The following EPHA4 variants were observed in gnomAD, a reference collection of about 807,000 sequenced individuals.
EPHA4 encodes ephrin type-A receptor 4.
A neutral mutation model predicts 108.3 loss-of-function variants in EPHA4; 19 were observed. That is an observed-to-expected ratio of 0.18 (90% CI 0.12 to 0.26). The LOEUF (loss-of-function observed/expected upper bound fraction) is 0.26. EPHA4 is among the 10% of genes least tolerant of loss of function. The pLI, the probability that EPHA4 is intolerant of heterozygous loss-of-function variation, is 1.00. For synonymous variants in EPHA4, 449 were observed against 455.5 expected (o/e 0.99, Z 0.18); for missense variants, 917 against 1,254.0 (o/e 0.73, Z 4.06).
chr2:221,470,501 T>C (rs977896758), intron 5 of EPHA4, among the ~76,000 whole-genome samples: 14 of 151,902 alleles, frequency 9.2e-5, no homozygotes, highest in African/African-American at 3.4e-4. Flanking sequence ...TCATGACCCA[T>C]AGAATGCTGA....
rs373017524 is a variant in EPHA4 at position 221,443,579 on chromosome 2, G to T, written c.1802C>A (p.Thr601Lys). Residue 601 changes from threonine (T) to lysine (K), a missense_variant, in exon 10 of 18, where the codon ACG becomes AAG. This residue lies in a region of EPHA4 where 758 missense variants were observed against 1,076.7 expected (regional missense o/e 0.70). Transcript: ENST00000281821. Reference protein sequence around the residue: ...QGVRTYVDPFTYEDPNQAVRE... With the variant: ...QGVRTYVDPFKYEDPNQAVRE... ...CACTGCTTGGTTGGGATCTTCGTAC[G>T]TAAAGGGGTCCACATATGTTCTTAC... 6.2e-7 allele frequency: 1 copy of T among 1,613,910 alleles called. No individual in the cohort carries two copies. Among genetic ancestry groups the T allele is most frequent in the Non-Finnish European group, 8.5e-7 (1 of 1,179,902 alleles).
chr2:221,511,538 T>C (rs945407611), intron 3 of EPHA4, among the ~76,000 whole-genome samples: 3 of 152,224 alleles, frequency 2.0e-5, no homozygotes, highest in Non-Finnish European at 4.4e-5. Flanking sequence ...CACTTCCCTT[T>C]TTTGTCTATA....
At chr2:221,530,727 T>A (rs1693488568) in intron 3 of EPHA4, among the ~76,000 whole-genome samples, 1 of 152,184 alleles carries the variant, frequency 6.6e-6, no homozygotes, top group Non-Finnish European at 1.5e-5. Context: ...TCTGGCTCCA[T>A]GGGGTGTATC....
At chr2:221,430,655 C>T (rs962004178) in intron 14 of EPHA4, among the ~76,000 whole-genome samples, 2 of 152,188 alleles carry the variant, frequency 1.3e-5, no homozygotes, top group Admixed American at 6.5e-5. Context: ...AGTGTGTCAA[C>T]ACCAGAGTCC....
intron 14 of EPHA4, among the ~76,000 whole-genome samples, chr2:221,432,738 G>T (rs1270355240): frequency 2.0e-5 from 3 of 151,142 alleles, no homozygotes; most frequent in Admixed American, 6.6e-5. Context: ...CCGCCTCCCA[G>T]GTTCAAGCGA....
At chr2:221,429,661 T>C (rs1690014118) in intron 15 of EPHA4, among the ~76,000 whole-genome samples, 1 of 152,208 alleles carries the variant, frequency 6.6e-6, no homozygotes, top group South Asian at 2.1e-4. Context: ...ATTTCACCCC[T>C]CTTCCTAAAT....
At chr2:221,480,815 T>G (rs1484731295) in intron 5 of EPHA4, among the ~76,000 whole-genome samples, 1 of 152,196 alleles carries the variant, frequency 6.6e-6, no homozygotes, top group Non-Finnish European at 1.5e-5. Flanking sequence ...TTTTATTTAT[T>G]CCAAAGAGTT....
chr2:221,426,068 G>A lies in EPHA4; in HGVS notation c.2921C>T (p.Thr974Ile), dbSNP rs141897098. 7.4e-5 allele frequency: 120 copies of A among 1,614,006 alleles called. No individual in the cohort carries two copies. Among genetic ancestry groups the A allele is most frequent in the South Asian group, 3.2e-4 (29 of 91,080 alleles). ...TCTGCCGTGCATCTGCTGCATTTGG[G>A]TTCGCATTGCCTGGACACTGCTCAA... ...KILSSVQAMR[T>I]QMQQMHGRMV... is the part of the protein sequence containing the mutation. The change falls in exon 17 of 18, where the codon ACC becomes ATC. Residue 974 changes from threonine (T) to isoleucine (I), a missense_variant. Transcript: ENST00000281821.
rs757310981 is a variant in EPHA4 at position 221,501,224 on chromosome 2, A to G, written c.824-52T>C. 3.7e-5 allele frequency: 54 copies of G among 1,476,410 alleles called. No homozygotes were observed. In the South Asian group the frequency reaches 6.1e-4, roughly 17 times the overall value. 91.5% of individuals were successfully genotyped at this position (1,476,410 alleles called of 1,614,324 possible). A position where few individuals can be genotyped will look rare whatever the true frequency, so the allele number is the denominator to read the frequency against. On this transcript the variant is annotated intron_variant, in intron 3 of 17. Transcript: ENST00000281821. ...AAATAGAAACCACTGCAAATAGACCAAAGCAAAAATGCAAAGCCACCTCCT... is the reference window on the plus strand; with the variant it reads ...AAATAGAAACCACTGCAAATAGACCGAAGCAAAAATGCAAAGCCACCTCCT...
intron 3 of EPHA4, among the ~76,000 whole-genome samples, chr2:221,560,474 G>A (rs914459541): frequency 1.2e-4 from 19 of 152,054 alleles, no homozygotes; most frequent in African/African-American, 3.6e-4. Context: ...GTGTGAAAAC[G>A]TATATTATTA....
intron 3 of EPHA4, among the ~76,000 whole-genome samples, chr2:221,522,728 T>A (rs1464067473): frequency 6.6e-6 from 1 of 150,802 alleles, no homozygotes; most frequent in Non-Finnish European, 1.5e-5. Flanking sequence ...ACAATAAAAA[T>A]AAAATCCTAT....
intron 11 of EPHA4, among the ~76,000 whole-genome samples, chr2:221,441,309 A>G (rs1304370142): frequency 6.6e-6 from 1 of 150,594 alleles, no homozygotes. Context: ...ACTAGGAATG[A>G]TATGGACAGG....
At chr2:221,467,095 A>T (rs2106126523) in intron 5 of EPHA4, among the ~76,000 whole-genome samples, 1 of 152,332 alleles carries the variant, frequency 6.6e-6, no homozygotes, top group Non-Finnish European at 1.5e-5. Context: ...TGCAGAATGA[A>T]CTCACATTTG....
In EPHA4 at chr2:221,475,846, A is replaced by G. The variant is rs144446761; in HGVS notation, c.1318+6506T>C. ...TTCGTGGGTTGTCCCAATCTGGAGG[A>G]TTCGATTTGGCCCTTGGGCCATAGC... On this transcript the variant is annotated intron_variant, in intron 5 of 17. Transcript: ENST00000281821. Among the ~76,000 whole-genome samples, 51 of 152,314 alleles carry G rather than the reference A, an allele frequency of 3.3e-4. 1 individual carries two copies. The East Asian group carries it at 9.7e-3, about 29-fold the overall frequency.
chr2:221,548,896 G>A lies in EPHA4; in HGVS notation c.823+14835C>T, dbSNP rs534929039. 2.0e-5 allele frequency among the ~76,000 whole-genome samples: 3 copies of A among 152,244 alleles called. No homozygotes were observed. In the South Asian group the frequency reaches 6.2e-4, roughly 32 times the overall value. ...AGGACATTTCAAAATGCAAGGGCAG[G>A]TTTTGGCCTGTCAAAATGACTGAGG... On this transcript the variant is annotated intron_variant, in intron 3 of 17. Transcript: ENST00000281821.
At chr2:221,524,524 C>A (rs1244806641) in intron 3 of EPHA4, among the ~76,000 whole-genome samples, 2 of 152,154 alleles carry the variant, frequency 1.3e-5, no homozygotes, top group African/African-American at 2.4e-5. Context: ...ATCAGTGTTA[C>A]ATGGGGATGA....
chr2:221,556,048 C>T (rs1009019223), intron 3 of EPHA4, among the ~76,000 whole-genome samples: 7 of 152,266 alleles, frequency 4.6e-5, no homozygotes, highest in African/African-American at 2.4e-5. Context: ...TCAACATTTT[C>T]GGCCTCAGAA....
chr2:221,478,589 C>T (rs1691728394), intron 5 of EPHA4, among the ~76,000 whole-genome samples: 1 of 152,186 alleles, frequency 6.6e-6, no homozygotes, highest in Non-Finnish European at 1.5e-5. Flanking sequence ...GGAAAAGTAA[C>T]ACCCCCACCC....
At chr2:221,440,117 G>A (rs1465612804) in intron 11 of EPHA4, among the ~76,000 whole-genome samples, 1 of 152,210 alleles carries the variant, frequency 6.6e-6, no homozygotes, top group Non-Finnish European at 1.5e-5. Flanking sequence ...TTGGATAGAG[G>A]AGTCTCCTTC....
Sources: gnomAD v4.1 joint callset for allele counts (sites outside exome capture counted in the v4.1 genomes callset) on GRCh38, gnomAD v4.1.1 for gene constraint, gnomAD v4.1.1 regional missense constraint, MANE v1.5 for transcripts, NCBI Gene and HGNC (gene_info 2026-07-23, HGNC 2026-07-21) for gene names.